Variants in GCN1 observed in about 807,000 individuals in gnomAD.
GCN1 encodes the protein GCN1 activator of EIF2AK4.
GCN1 carries 90 observed loss-of-function variants against 288.4 expected under a neutral mutation model. The ratio of observed to expected loss-of-function variants is 0.31; its 90% CI spans 0.26 to 0.37. The LOEUF is 0.37. Among genes scored for constraint, GCN1 ranks in the 10% least tolerant of loss-of-function variants. The pLI is 1.00. For synonymous variants in GCN1, 1,386 were observed against 1,420.2 expected, an observed-to-expected ratio of 0.98 and a Z score of 0.54; for missense variants, 2,586 against 3,419.9, an observed-to-expected ratio of 0.76 and a Z score of 6.08.
intron 5 of GCN1, among the ~76,000 whole-genome samples, chr12:120,181,999 T>C (rs1274907405): frequency 1.3e-5 from 2 of 151,402 alleles, no homozygotes; most frequent in African/African-American, 2.4e-5. Flanking sequence ...ATACAAAAAT[T>C]AGCCAGGTGT....
Position 120,163,133 on chromosome 12 carries a change from C to G in GCN1, c.1975G>C (p.Asp659His). The G allele has an allele frequency of 6.2e-7, 1 of 1,614,222 alleles. No homozygotes were observed. The highest frequency in any genetic ancestry group is 1.3e-5 in the African/African-American group (1 of 75,070). ...VISGVPGLKG[D>H]VTDTEQLAQE... Reference sequence around the variant, plus strand: ...GCCAGTTGTTCAGTGTCGGTGACATCACCCTTGAGCCCTGGCACACCGGAG... The same window carrying G: ...GCCAGTTGTTCAGTGTCGGTGACATGACCCTTGAGCCCTGGCACACCGGAG... The change falls in exon 19 of 58, where the codon GAT (aspartate) becomes CAT (histidine). Residue 659 changes from aspartate to histidine, a missense_variant. Asp to His is a moderately conservative substitution (Grantham distance 81, BLOSUM62 -1). Around this residue, in one of 8 missense-constraint regions of GCN1, gnomAD observed 913 missense variants for 1,107.0 expected, o/e 0.82. Coordinates refer to ENST00000300648, the MANE Select transcript of GCN1 (RefSeq NM_006836.2).
chr12:120,135,313 C>G (rs1429360729), intron 51 of GCN1, among the ~76,000 whole-genome samples: 3 of 152,130 alleles, frequency 2.0e-5, no homozygotes, highest in Admixed American at 1.3e-4. Flanking sequence ...CACAGGCACA[C>G]TTTTGATACA....
intron 24 of GCN1, 45 bp downstream of exon 24, chr12:120,159,780 G>C: frequency 3.2e-6 from 5 of 1,557,386 alleles, no homozygotes; most frequent in Non-Finnish European, 4.4e-6. Context: ...CAAGCACTCA[G>C]GGGCACCCCT....
intron 14 of GCN1, 29 bp downstream of exon 14, chr12:120,173,624 C>CT (rs1169162109): frequency 6.9e-7 from 1 of 1,445,620 alleles, no homozygotes; most frequent in Non-Finnish European, 9.7e-7. Flanking sequence ...GCAAGGAGAC[C>CT]TGGACACTAG....
chr12:120,142,003 C>A lies in GCN1; in HGVS notation c.5829+504G>T, dbSNP rs1775282681. ...CTCCATTGTGTCCCCAGGTGCTAGG[C>A]CCCTGCTTAGTGCACAGGAGATGCT... On this transcript the variant is annotated intron_variant, in intron 44 of 57. Coordinates refer to ENST00000300648, the MANE Select transcript of GCN1 (RefSeq NM_006836.2). The surrounding 1 kb of genome is among the most constrained non-coding windows in gnomAD (Gnocchi z 4.9). 2.0e-5 allele frequency among the ~76,000 whole-genome samples: 3 copies of A among 152,206 alleles called. No homozygotes were observed. The highest frequency in any genetic ancestry group is 2.0e-4 in the Admixed American group (3 of 15,284).
intron 37 of GCN1, among the ~76,000 whole-genome samples, chr12:120,147,801 T>G (rs1594266876): frequency 1.3e-5 from 2 of 152,170 alleles, no homozygotes; most frequent in Non-Finnish European, 2.9e-5. Context: ...TTCCCAGTAC[T>G]TGAGAAAGAA....
Position 120,130,743 on chromosome 12 carries a change from G to A in GCN1, c.7574C>T (p.Ala2525Val), listed in dbSNP as rs200756540. Reference protein sequence around the residue: ...SSATADRIPIAVSGVRGMGFL... With the variant: ...SSATADRIPIVVSGVRGMGFL... ...GCCCATGCCCCGGACCCCGCTCACC[G>A]CAATGGGGATCTGTGGAGAACAGAC... Residue 2525 changes from alanine (A) to valine (V), a missense_variant, in exon 56 of 58, where the codon GCG (alanine) becomes GTG (valine). Transcript: ENST00000300648. 9.1e-5 allele frequency: 147 copies of A among 1,609,356 alleles called. No homozygotes were observed. Among genetic ancestry groups the A allele is most frequent in the East Asian group, 6.7e-5 (3 of 44,882 alleles).
chr12:120,176,296 CA>C (rs1327465423), intron 9 of GCN1, 79 bp from the exon 10 acceptor site: 7 of 875,390 alleles, frequency 8.0e-6, no homozygotes, highest in Non-Finnish European at 1.4e-5. Flanking sequence ...TACTCCCCAG[CA>C]AATGCCACTA....
chr12:120,178,539 C>CA, intron 7 of GCN1, 86 bp downstream of exon 7: 1 of 1,384,016 alleles, frequency 7.2e-7, no homozygotes, highest in Non-Finnish European at 1.0e-6. Flanking sequence ...GTCACCAGGG[C>CA]AAAGCAGGTT....
At chr12:120,177,976 G>A (rs117180947) in intron 7 of GCN1, among the ~76,000 whole-genome samples, 1 of 152,070 alleles carries the variant, frequency 6.6e-6, no homozygotes, top group Non-Finnish European at 1.5e-5. Context: ...TGGCTTATAA[G>A]GTCCTGCCCA....
chr12:120,127,610 T>C lies in GCN1; in HGVS notation c.*239A>G, dbSNP rs1876658437. 1 of 464,986 alleles carries C rather than the reference T, an allele frequency of 2.2e-6. No homozygotes were observed. Among genetic ancestry groups the C allele is most frequent in the Non-Finnish European group, 3.9e-6 (1 of 254,584 alleles). The allele number at this position is 464,986 out of a possible 1,614,324, so 28.8% of individuals were successfully genotyped here. The stretch of plus-strand genomic sequence containing the variant: ...GGACAAACAGCTCCTGGGCTGCCAT[T>C]TGCTGAGGCGCATGCGTGTGCTTTT... On this transcript the variant is annotated 3_prime_UTR_variant, in exon 58 of 58. Transcript: ENST00000300648.
chr12:120,190,261 G>T, intron 2 of GCN1, 37 bp downstream of exon 2: 677 of 845,070 alleles, frequency 8.0e-4, no homozygotes, highest in Non-Finnish European at 1.2e-3. Flanking sequence ...GAAAAACAAT[G>T]AATATTGTCC....
chr12:120,163,641 G>A (rs74879292), intron 18 of GCN1, among the ~76,000 whole-genome samples: 3,405 of 152,096 alleles, frequency 0.022, 153 homozygotes, highest in African/African-American at 0.078. Flanking sequence ...GTCTCCCTCC[G>A]TCGGGGGAGA....
intron 7 of GCN1, among the ~76,000 whole-genome samples, chr12:120,178,129 T>G (rs1878536922): frequency 6.6e-6 from 1 of 152,194 alleles, no homozygotes; most frequent in African/African-American, 2.4e-5. Context: ...CTCTTCACTC[T>G]CAAAGTTCCT....
chr12:120,191,726 C>T (rs1879010122), intron 1 of GCN1, among the ~76,000 whole-genome samples: 2 of 152,136 alleles, frequency 1.3e-5, no homozygotes, highest in South Asian at 4.1e-4. Flanking sequence ...GTCATAGATG[C>T]ACACAGAGTC....
In GCN1 at chr12:120,153,458, T is replaced by G. The variant is rs1877635797; in HGVS notation, c.3868-51A>C. On this transcript the variant is annotated intron_variant, in intron 32 of 57. Transcript: ENST00000300648. This position sits in a 1 kb window ranked among gnomAD's most constrained non-coding sequence, Gnocchi z 4.4. ...TCAGGTCAACCCTACAGGCTGCATCTGGGGACAACAGTCCCTGCCCTGAGG... is the reference window on the plus strand; with the variant it reads ...TCAGGTCAACCCTACAGGCTGCATCGGGGGACAACAGTCCCTGCCCTGAGG... 6.6e-7 allele frequency: 1 copy of G among 1,514,070 alleles called. No individual in the cohort carries two copies. Among genetic ancestry groups the G allele is most frequent in the Non-Finnish European group, 9.1e-7 (1 of 1,101,158 alleles). The allele number at this position is 1,514,070 out of a possible 1,614,324, so 93.8% of individuals were successfully genotyped here. A position where few individuals can be genotyped will look rare whatever the true frequency, so the allele number is the denominator to read the frequency against.
chr12:120,144,575 C>A lies in GCN1; in HGVS notation c.5352+64G>T. 6.4e-7 allele frequency: 1 copy of A among 1,553,902 alleles called. No homozygotes were observed. Among genetic ancestry groups the A allele is most frequent in the Non-Finnish European group, 8.8e-7 (1 of 1,131,976 alleles). On this transcript the variant is annotated intron_variant, in intron 41 of 57. Coordinates refer to ENST00000300648, the MANE Select transcript of GCN1 (RefSeq NM_006836.2). The surrounding 1 kb of genome is among the most constrained non-coding windows in gnomAD (Gnocchi z 4.7). Reference sequence around the variant, plus strand: ...CAGCCAGCAGGGATCTCTAGCTCTCCAGGTGAGCACTTGCCTCCTGCCCTC... The same window carrying A: ...CAGCCAGCAGGGATCTCTAGCTCTCAAGGTGAGCACTTGCCTCCTGCCCTC...
chr12:120,148,903 C>T (rs1189354560), intron 36 of GCN1, among the ~76,000 whole-genome samples: 1 of 151,926 alleles, frequency 6.6e-6, no homozygotes, highest in Non-Finnish European at 1.5e-5. Context: ...CGCTGCAGCC[C>T]CAAACTCCAG....
rs987705765 is a variant in GCN1, at chr12:120,158,929, A to G, written c.2750-314T>C. Among the ~76,000 whole-genome samples, 7 of 151,646 alleles carry G rather than the reference A, an allele frequency of 4.6e-5. No individual in the cohort carries two copies. Among genetic ancestry groups the G allele is most frequent in the African/African-American group, 9.7e-5 (4 of 41,328 alleles). On this transcript the variant is annotated intron_variant, in intron 24 of 57. Transcript: ENST00000300648. This position sits in a 1 kb window ranked among gnomAD's most constrained non-coding sequence, Gnocchi z 4.3. ...CAGGAGGCTCAAGAAGGAGAATGGC[A>G]TGAACCCGGGAAGCGGAGCTGGCAG...
Sources: gnomAD v4.1 joint callset for allele counts (sites outside exome capture counted in the v4.1 genomes callset) on GRCh38, gnomAD v4.1.1 for gene constraint, gnomAD v4.1.1 regional missense constraint, Gnocchi (gnomAD v3.1) non-coding constraint, MANE v1.5 for transcripts, NCBI Gene and HGNC (gene_info 2026-07-23, HGNC 2026-07-21) for gene names.